Variants in ADAMTSL1 observed in about 807,000 individuals in gnomAD.
ADAMTSL1 encodes the protein ADAMTS like 1.
Under a neutral mutation model 201.8 loss-of-function variants are expected in ADAMTSL1, and 126 were observed. The ratio of observed to expected loss-of-function variants is 0.62; its 90% CI spans 0.54 to 0.72. The LOEUF (loss-of-function observed/expected upper bound fraction) is 0.72, where lower values mean the gene tolerates loss of function less well. Among genes scored for constraint, ADAMTSL1 ranks in the 30% least tolerant of loss-of-function variants. The pLI is 0.00. For missense variants in ADAMTSL1, 2,679 were observed against 2,277.8 expected (o/e 1.18, Z -3.59); for synonymous variants, 1,121 against 903.4 (o/e 1.24, Z -4.32).
chr9:17,974,608 A>T (rs145582215), intron 1 of ADAMTSL1, among the ~76,000 whole-genome samples: 2 of 152,150 alleles, frequency 1.3e-5, no homozygotes, highest in South Asian at 4.1e-4. Context: ...ATGTGAGATC[A>T]TACAGTATTT....
chr9:18,188,044 G>T (rs1426083285), intron 2 of ADAMTSL1, among the ~76,000 whole-genome samples: 1 of 152,030 alleles, frequency 6.6e-6, no homozygotes, highest in Admixed American at 6.6e-5. Context: ...CATCCTTAGA[G>T]CTAGGTACAG....
At chr9:17,929,625 G>A (rs572651908) in intron 1 of ADAMTSL1, among the ~76,000 whole-genome samples, 21 of 152,132 alleles carry the variant, frequency 1.4e-4, no homozygotes, top group Middle Eastern at 3.4e-3. Context: ...GGCACCAAGC[G>A]TTCTTACTTA....
At chr9:18,879,022 A>C (rs1421838684) in intron 23 of ADAMTSL1, among the ~76,000 whole-genome samples, 3 of 152,174 alleles carry the variant, frequency 2.0e-5, no homozygotes, top group Non-Finnish European at 4.4e-5. Flanking sequence ...TGCCAGGTTG[A>C]AAAGCCTAAA....
At chr9:17,915,363 A>T (rs187992552) in intron 1 of ADAMTSL1, among the ~76,000 whole-genome samples, 38 of 152,278 alleles carry the variant, frequency 2.5e-4, no homozygotes, top group African/African-American at 9.1e-4. Flanking sequence ...TTATTTTGAG[A>T]TTATTCCTGT....
intron 2 of ADAMTSL1, among the ~76,000 whole-genome samples, chr9:18,512,740 T>A (rs1467700361): frequency 6.6e-6 from 1 of 152,214 alleles, no homozygotes; most frequent in Non-Finnish European, 1.5e-5. Context: ...ATATTTTATA[T>A]GTATTGTTAT....
chr9:18,410,392 AG>A (rs1236869458), intron 2 of ADAMTSL1, among the ~76,000 whole-genome samples: 3 of 151,908 alleles, frequency 2.0e-5, no homozygotes, highest in African/African-American at 7.3e-5. Context: ...AGCCCCCAAC[AG>A]GTGCCCAGTG....
intron 1 of ADAMTSL1, among the ~76,000 whole-genome samples, chr9:18,044,377 C>A (rs958424319): frequency 2.0e-5 from 3 of 151,978 alleles, no homozygotes; most frequent in Non-Finnish European, 4.4e-5. Flanking sequence ...GGTGGTGGTG[C>A]CTTTGTGAAA....
chr9:18,180,764 T>C (rs1464697388), intron 2 of ADAMTSL1, among the ~76,000 whole-genome samples: 6 of 151,260 alleles, frequency 4.0e-5, no homozygotes, highest in African/African-American at 1.5e-4. Flanking sequence ...ATGACTTTCT[T>C]CACAGAATTG....
chr9:18,568,128 G>A (rs1447664967), intron 3 of ADAMTSL1, among the ~76,000 whole-genome samples: 1 of 152,178 alleles, frequency 6.6e-6, no homozygotes, highest in Non-Finnish European at 1.5e-5. Flanking sequence ...CCACAGACAA[G>A]GGGGACTACT....
chr9:18,905,958 T>A, intron 27 of ADAMTSL1, 67 bp downstream of exon 27: 1 of 1,346,570 alleles, frequency 7.4e-7, no homozygotes, highest in East Asian at 2.5e-5. Flanking sequence ...TGGTGCTGAG[T>A]GAATGTTTCT....
At chr9:18,808,586 A>G (rs1361133112) in intron 20 of ADAMTSL1, among the ~76,000 whole-genome samples, 1 of 152,246 alleles carries the variant, frequency 6.6e-6, no homozygotes, top group Non-Finnish European at 1.5e-5. Context: ...CACCTTTATT[A>G]TTAAAATTCC....
At chr9:18,651,698 C>G (rs1828270281) in intron 7 of ADAMTSL1, among the ~76,000 whole-genome samples, 1 of 152,110 alleles carries the variant, frequency 6.6e-6, no homozygotes, top group Admixed American at 6.5e-5. Context: ...TTGGAGAATT[C>G]TAAGGGAACA....
chr9:18,348,649 T>C (rs1470118679), intron 2 of ADAMTSL1, among the ~76,000 whole-genome samples: 2 of 152,190 alleles, frequency 1.3e-5, no homozygotes, highest in Non-Finnish European at 2.9e-5. Context: ...GACTTCCTTT[T>C]TACACATGAA....
chr9:18,039,398 T>A (rs1821341502), intron 1 of ADAMTSL1, among the ~76,000 whole-genome samples: 1 of 152,160 alleles, frequency 6.6e-6, no homozygotes, highest in African/African-American at 2.4e-5. Flanking sequence ...GTGACTGTTT[T>A]TAAAAAAATA....
chr9:18,850,554 G>T (rs1417908390), intron 23 of ADAMTSL1, among the ~76,000 whole-genome samples: 3 of 152,194 alleles, frequency 2.0e-5, no homozygotes, highest in Non-Finnish European at 2.9e-5. Flanking sequence ...AGCCAACTTT[G>T]TAGGAGACAG....
chr9:18,291,735 TCTCTCTCTCTCTCA>T (rs1833275223), intron 2 of ADAMTSL1, among the ~76,000 whole-genome samples: 6 of 123,336 alleles, frequency 4.9e-5, no homozygotes, highest in African/African-American at 1.9e-4. Flanking sequence ...TCTCTCTCTC[TCTCTCTCTCTCTCA>T]CACACACACA....
At chr9:18,687,872 G>T (rs986067852) in intron 13 of ADAMTSL1, among the ~76,000 whole-genome samples, 1 of 152,158 alleles carries the variant, frequency 6.6e-6, no homozygotes, top group Non-Finnish European at 1.5e-5. Context: ...TGTGGTTGCA[G>T]TAAACACCAT....
intron 7 of ADAMTSL1, among the ~76,000 whole-genome samples, chr9:18,645,582 G>C (rs1195965808): frequency 6.6e-6 from 1 of 151,796 alleles, no homozygotes; most frequent in African/African-American, 2.4e-5. Context: ...GTGAGGAAGG[G>C]ATCCAGTTTC....
At chr9:18,616,211 G>C (rs1825690718) in intron 4 of ADAMTSL1, among the ~76,000 whole-genome samples, 1 of 152,148 alleles carries the variant, frequency 6.6e-6, no homozygotes, top group Non-Finnish European at 1.5e-5. Context: ...TTTTAGTAGG[G>C]ATGGGGTTTT....
Sources: allele counts gnomAD v4.1 joint callset (sites outside exome capture counted in the v4.1 genomes callset), GRCh38; gene constraint gnomAD v4.1.1; transcripts MANE v1.5; gene names NCBI Gene and HGNC (gene_info 2026-07-23, HGNC 2026-07-21).